Variants in PCLO observed in about 807,000 individuals in gnomAD.
The protein encoded by PCLO is protein piccolo.
In PCLO, 82 loss-of-function variants were observed where a neutral mutation model predicts 427.5. The observed-to-expected ratio is 0.19, with a 90% confidence interval of 0.16 to 0.23. The LOEUF (loss-of-function observed/expected upper bound fraction) is 0.23, where lower values mean the gene tolerates loss of function less well. Among genes scored for constraint, PCLO ranks in the 10% least tolerant of loss-of-function variants. The pLI is 1.00. For missense variants in PCLO, 6,239 were observed against 6,115.9 expected (o/e 1.02, Z -0.67); for synonymous variants, 2,357 against 2,155.4 (o/e 1.09, Z -2.59).
chr7:82,806,807 G>C (rs1791468265), intron 20 of PCLO, among the ~76,000 whole-genome samples: 1 of 152,200 alleles, frequency 6.6e-6, no homozygotes, highest in Admixed American at 6.5e-5. Flanking sequence ...TATGAGGAGT[G>C]AGATATGTAG....
At chr7:83,007,950 A>G (rs1787989265) in intron 3 of PCLO, among the ~76,000 whole-genome samples, 1 of 151,678 alleles carries the variant, frequency 6.6e-6, no homozygotes, top group African/African-American at 2.4e-5. Context: ...GGACATCTAC[A>G]TGTGTGAGGA....
intron 3 of PCLO, among the ~76,000 whole-genome samples, chr7:83,024,410 C>T (rs779267717): frequency 2.6e-5 from 4 of 152,196 alleles, no homozygotes; most frequent in African/African-American, 7.2e-5. Context: ...GCTTAAAAAA[C>T]GGCGCAGCAC....
chr7:82,863,063 G>A (rs545849373), intron 10 of PCLO, among the ~76,000 whole-genome samples: 19 of 152,048 alleles, frequency 1.2e-4, no homozygotes, highest in African/African-American at 4.6e-4. Flanking sequence ...TATTCTCCAT[G>A]ATGTGTTTGT....
chr7:83,017,021 G>C (rs1263287204), intron 3 of PCLO, among the ~76,000 whole-genome samples: 1 of 152,030 alleles, frequency 6.6e-6, no homozygotes, highest in Non-Finnish European at 1.5e-5. Context: ...ATAAATTATG[G>C]CTCTATTCAG....
intron 18 of PCLO, among the ~76,000 whole-genome samples, chr7:82,825,260 T>C (rs1363727696): frequency 6.6e-6 from 1 of 152,018 alleles, no homozygotes; most frequent in African/African-American, 2.4e-5. Context: ...ACCAGACCAA[T>C]GGATATATGC....
Position 82,965,932 on chromosome 7 carries a change from G to C in PCLO, c.3856C>G (p.Gln1286Glu). The C allele has an allele frequency of 1.9e-6, 3 of 1,613,856 alleles. No individual in the cohort carries two copies. The highest frequency in any genetic ancestry group is 2.5e-6 in the Non-Finnish European group (3 of 1,179,846). Residue 1286 changes from glutamine (Q) to glutamate (E), a missense_variant, in exon 4 of 25, where the codon CAA (glutamine) becomes GAA (glutamate). Gln to Glu is a conservative substitution (Grantham distance 29, BLOSUM62 2). Coordinates refer to ENST00000333891, the MANE Select transcript of PCLO (RefSeq NM_033026.6). ...TTGGTCTGTGGTTGTTTCCCTTCTTGCACTGTCTTTGGAGCCACTCTGCCT... is the reference window on the plus strand; with the variant it reads ...TTGGTCTGTGGTTGTTTCCCTTCTTCCACTGTCTTTGGAGCCACTCTGCCT... ...LEGRVAPKTV[Q>E]EGKQPQTKME... is the part of the protein sequence containing the mutation.
chr7:82,802,695 T>G (rs1343231353), intron 21 of PCLO, among the ~76,000 whole-genome samples: 1 of 152,150 alleles, frequency 6.6e-6, no homozygotes, highest in Non-Finnish European at 1.5e-5. Flanking sequence ...CATAGTGGGA[T>G]TTACTAACAA....
intron 3 of PCLO, among the ~76,000 whole-genome samples, chr7:83,087,353 G>A (rs1373113898): frequency 1.3e-5 from 2 of 151,786 alleles, no homozygotes; most frequent in African/African-American, 2.4e-5. Context: ...TGGGTACAAC[G>A]TACACTACTG....
intron 6 of PCLO, among the ~76,000 whole-genome samples, chr7:82,926,658 T>G (rs972727594): frequency 2.0e-5 from 3 of 152,174 alleles, no homozygotes; most frequent in Admixed American, 2.0e-4. Flanking sequence ...AAGTCATTGC[T>G]CTTGGGCTGA....
At chr7:83,053,069 G>T (rs1319870474) in intron 3 of PCLO, among the ~76,000 whole-genome samples, 4 of 151,904 alleles carry the variant, frequency 2.6e-5, no homozygotes, top group Admixed American at 6.6e-5. Flanking sequence ...TGCATAATCT[G>T]TCTTTCTTAC....
intron 3 of PCLO, among the ~76,000 whole-genome samples, chr7:83,003,702 T>C (rs1787879097): frequency 6.6e-6 from 1 of 151,856 alleles, no homozygotes; most frequent in Non-Finnish European, 1.5e-5. Flanking sequence ...CCCCCTTAAG[T>C]ATGCTGCTTG....
At chr7:83,107,159 G>A (rs1233873336) in intron 3 of PCLO, among the ~76,000 whole-genome samples, 3 of 151,994 alleles carry the variant, frequency 2.0e-5, no homozygotes, top group South Asian at 2.1e-4. Flanking sequence ...TTATTGCACC[G>A]CCCGGGTGAT....
chr7:82,849,487 G>T lies in PCLO; in HGVS notation c.13655-2240C>A, dbSNP rs150123652. On this transcript the variant is annotated intron_variant, in intron 10 of 24. Coordinates refer to ENST00000333891, the MANE Select transcript of PCLO (RefSeq NM_033026.6). ...TTGTTGCCTACAGTGAGACACCATA[G>T]GGAAGATGACCACTGAACACAGTCA... Among the ~76,000 whole-genome samples the T allele has an allele frequency of 7.9e-5, 12 of 152,174 alleles. No homozygotes were observed. In the East Asian group the frequency reaches 2.1e-3, roughly 27 times the overall value.
chr7:82,822,316 AT>A lies in PCLO; in HGVS notation c.14791+178del, dbSNP rs565137159. The A allele has an allele frequency of 3.8e-4, 550 of 1,438,760 alleles. 4 individuals carry two copies. In the African/African-American group the frequency reaches 6.7e-3, roughly 18 times the overall value. The allele number at this position is 1,438,760 out of a possible 1,614,324, so 89.1% of individuals were successfully genotyped here. A position where few individuals can be genotyped will look rare whatever the true frequency, so the allele number is the denominator to read the frequency against. On this transcript the variant is annotated intron_variant, in intron 20 of 24. Transcript: ENST00000333891. ...ATTTCAGTCTATGTAAATAAAAAAA[AT>A]CTAAATAAGAAAGAGCATATTAATG...
At chr7:82,872,594 T>G (rs539949456) in intron 10 of PCLO, among the ~76,000 whole-genome samples, 4 of 152,076 alleles carry the variant, frequency 2.6e-5, no homozygotes, top group Non-Finnish European at 5.9e-5. Context: ...TTTGACAAGA[T>G]TGATAGTCAT....
chr7:83,101,418 G>A lies in PCLO; in HGVS notation c.3300+32832C>T, dbSNP rs1047349651. Among the ~76,000 whole-genome samples the A allele has an allele frequency of 1.1e-4, 17 of 152,108 alleles. 1 individual carries two copies. Among genetic ancestry groups the A allele is most frequent in the Admixed American group, 7.2e-4 (11 of 15,278 alleles). On this transcript the variant is annotated intron_variant, in intron 3 of 24. Coordinates refer to ENST00000333891, the MANE Select transcript of PCLO (RefSeq NM_033026.6). Reference sequence around the variant, plus strand: ...ATAGCTAAATAAATCTGCATCACTAGTGATTTACCTACTAATTCTACATAG... The same window carrying A: ...ATAGCTAAATAAATCTGCATCACTAATGATTTACCTACTAATTCTACATAG...
chr7:82,924,229 A>C (rs1213835525), intron 6 of PCLO, among the ~76,000 whole-genome samples: 1 of 152,100 alleles, frequency 6.6e-6, no homozygotes, highest in African/African-American at 2.4e-5. Context: ...AACAAAAAAG[A>C]TACATTCTAG....
Position 82,953,025 on chromosome 7 carries a change from C to T in PCLO, c.7928G>A (p.Gly2643Glu). 2 of 1,613,802 alleles carry T rather than the reference C, an allele frequency of 1.2e-6. No individual in the cohort carries two copies. The highest frequency in any genetic ancestry group is 1.7e-6 in the Non-Finnish European group (2 of 1,179,840). ...GGTAGCAGAAAATGTCTGTAAAGCT[C>T]CAGAGATGTAGAAGGTCTGTTCTGA... The part of the protein sequence containing the change: ...ISSEQTFYIS[G>E]ALQTFSATPV... Residue 2643 changes from glycine to glutamate, a missense_variant, in exon 5 of 25, where the codon GGA (glycine) becomes GAA (glutamate). By Grantham distance (98) the Gly-to-Glu change is moderately conservative. This residue lies in a region of PCLO where 4,677 missense variants were observed against 4,468.4 expected (regional missense o/e 1.05). Transcript: ENST00000333891.
chr7:82,924,119 T>C (rs1409787078), intron 6 of PCLO, among the ~76,000 whole-genome samples: 2 of 152,092 alleles, frequency 1.3e-5, no homozygotes, highest in African/African-American at 4.8e-5. Context: ...TACTATTTGT[T>C]TATCATAGTG....
Sources: allele counts gnomAD v4.1 joint callset (sites outside exome capture counted in the v4.1 genomes callset), GRCh38; gene constraint gnomAD v4.1.1; regional missense constraint gnomAD v4.1.1; transcripts MANE v1.5; gene names NCBI Gene and HGNC (gene_info 2026-07-23, HGNC 2026-07-21).